Variants in NLRP12 observed in about 807,000 individuals in gnomAD.
NLRP12 encodes the protein NACHT, LRR and PYD domains-containing protein 12.
Under a neutral mutation model 91.2 loss-of-function variants are expected in NLRP12, and 108 were observed. The observed-to-expected ratio is 1.18, with a 90% confidence interval of 1.01 to 1.39. The LOEUF (loss-of-function observed/expected upper bound fraction) is 1.39. Ranked by LOEUF, NLRP12 falls within the 40% of genes most tolerant of loss-of-function variation. NLRP12 has a pLI of 0.00. For missense variants in NLRP12, 1,530 were observed against 1,352.7 expected (o/e 1.13, Z -2.06); for synonymous variants, 613 against 566.7 (o/e 1.08, Z -1.16).
At chr19:53,795,557 T>G (rs10425529) in intron 9 of NLRP12, among the ~76,000 whole-genome samples, 79,222 of 147,420 alleles carry the variant, frequency 0.54, 21,643 homozygotes, top group South Asian at 0.62. Context: ...TGTGTTTTTA[T>G]TAGAGACGGG....
chr19:53,823,449 A>AAT (rs1555799952), intron 1 of NLRP12, among the ~76,000 whole-genome samples: 1 of 43,220 alleles, frequency 2.3e-5, no homozygotes. Flanking sequence ...ATATGTTTTA[A>AAT]ATATATATTT....
intron 1 of NLRP12, among the ~76,000 whole-genome samples, chr19:53,819,047 G>A (rs762353831): frequency 7.2e-5 from 11 of 152,148 alleles, no homozygotes; most frequent in Non-Finnish European, 1.2e-4. Flanking sequence ...CTAAACGGAT[G>A]CAGTCCGGGG....
rs777899039 is a variant in NLRP12 at position 53,823,872 on chromosome 19, C to T, written c.289+14G>A. On this transcript the variant is annotated intron_variant, in intron 1 of 9. Coordinates refer to ENST00000324134, the MANE Select transcript of NLRP12 (RefSeq NM_144687.4). ...GCTGGCATTCTAGCCTTGCCTGTCC[C>T]GCCACCTCCTTACCCCTCACCAGGT... 6.1e-5 allele frequency: 99 copies of T among 1,613,526 alleles called. 2 individuals carry two copies. In the South Asian group the frequency reaches 6.9e-4, roughly 11 times the overall value.
At chr19:53,804,393 G>GTTTTTT (rs923117109) in intron 5 of NLRP12, among the ~76,000 whole-genome samples, 2 of 114,806 alleles carry the variant, frequency 1.7e-5, no homozygotes, top group South Asian at 2.9e-4. Context: ...TTTTTTTTGG[G>GTTTTTT]TTTTTTTGTT....
At chr19:53,801,830 C>T (rs1372816436) in intron 6 of NLRP12, among the ~76,000 whole-genome samples, 6 of 152,094 alleles carry the variant, frequency 3.9e-5, no homozygotes, top group African/African-American at 7.2e-5. Flanking sequence ...TGGTGGCTCA[C>T]GCCTGTAATC....
intron 2 of NLRP12, among the ~76,000 whole-genome samples, chr19:53,811,491 G>T (rs1293240839): frequency 1.3e-5 from 2 of 151,628 alleles, no homozygotes; most frequent in African/African-American, 2.4e-5. Context: ...TCTAGCCTGG[G>T]CAACAGAGCC....
At chr19:53,805,030 G>A (rs997308230) in intron 5 of NLRP12, among the ~76,000 whole-genome samples, 4 of 151,898 alleles carry the variant, frequency 2.6e-5, no homozygotes, top group East Asian at 2.0e-4. Context: ...ACCCCGTCTC[G>A]GGAGAAAAAA....
chr19:53,810,719 A>G lies in NLRP12; in HGVS notation c.940T>C (p.Trp314Arg). ...AGCTCCGTGGGCCGTTTCTCCTCCCAGCAGAGGCACCAGGGTCCCTGAGGA... is the reference window on the plus strand; with the variant it reads ...AGCTCCGTGGGCCGTTTCTCCTCCCGGCAGAGGCACCAGGGTCCCTGAGGA... ...HDPQGPWCLCWEEKRPTELLL... is the reference protein window; with the variant it reads ...HDPQGPWCLCREEKRPTELLL... The change falls in exon 3 of 10, where the codon TGG (tryptophan) becomes CGG (arginine). Residue 314 changes from tryptophan (W) to arginine (R), a missense_variant. Trp to Arg is a moderately radical substitution (Grantham distance 101). Coordinates refer to ENST00000324134, the MANE Select transcript of NLRP12 (RefSeq NM_144687.4). The G allele has an allele frequency of 6.2e-7, 1 of 1,614,016 alleles. No homozygotes were observed.
At chr19:53,814,048 GA>G (rs1399885747) in intron 2 of NLRP12, among the ~76,000 whole-genome samples, 2 of 152,198 alleles carry the variant, frequency 1.3e-5, no homozygotes, top group Non-Finnish European at 2.9e-5. Context: ...AAAATAGCCA[GA>G]AACATTTGTG....
chr19:53,810,955 G>C lies in NLRP12; in HGVS notation c.704C>G (p.Ala235Gly), dbSNP rs141779249. 6.2e-7 allele frequency: 1 copy of C among 1,614,120 alleles called. No homozygotes were observed. The highest frequency in any genetic ancestry group is 8.5e-7 in the Non-Finnish European group (1 of 1,180,042). The change falls in exon 3 of 10, where the codon GCG (alanine) becomes GGG (glycine). Residue 235 changes from alanine (A) to glycine (G), a missense_variant. Ala to Gly is a moderately conservative substitution (Grantham distance 60). Transcript: ENST00000324134. Reference protein sequence around the residue: ...MLAHKVMLDWADGKLFQGRFD... With the variant: ...MLAHKVMLDWGDGKLFQGRFD... ...TCTGCCTTGGAAGAGCTTCCCGTCC[G>C]CCCAGTCCAGCATCACCTTGTGTGC...
At chr19:53,801,146 A>T (rs1414631956) in intron 7 of NLRP12, 81 bp downstream of exon 7, 2 of 1,335,464 alleles carry the variant, frequency 1.5e-6, no homozygotes, top group Admixed American at 3.4e-5. Context: ...GAGCAGAGAC[A>T]ACCTGGCCTC....
In NLRP12 at chr19:53,803,951, C is replaced by A; in HGVS notation, c.2585+1G>T. ...TATAGTTGACCCCAGGAAGAACTCA[C>A]CACAAAGTCCGTAGTCTGCAGACTG... On this transcript the variant is annotated splice_donor_variant, in intron 6 of 9. Transcript: ENST00000324134. LOFTEE classifies it high-confidence loss of function. 6.2e-7 allele frequency: 1 copy of A among 1,613,936 alleles called. No individual in the cohort carries two copies. Among genetic ancestry groups the A allele is most frequent in the Non-Finnish European group, 8.5e-7 (1 of 1,179,856 alleles).
intron 1 of NLRP12, among the ~76,000 whole-genome samples, chr19:53,819,081 G>A (rs1034443914): frequency 3.9e-5 from 6 of 152,088 alleles, no homozygotes; most frequent in African/African-American, 1.4e-4. Flanking sequence ...AAATGGTTAT[G>A]CATTGTCAAT....
In NLRP12 at chr19:53,793,793, G is replaced by T. The variant is rs1009340550; in HGVS notation, c.*256C>A. ...GTAGAGACAGGGTTTCACCATCTTG[G>T]CCAGGCTAATCTCAAACTCCTGACC... On this transcript the variant is annotated 3_prime_UTR_variant, in exon 10 of 10. Coordinates refer to ENST00000324134, the MANE Select transcript of NLRP12 (RefSeq NM_144687.4). 7.7e-5 allele frequency: 44 copies of T among 569,832 alleles called. No individual in the cohort carries two copies. Among genetic ancestry groups the T allele is most frequent in the African/African-American group, 7.0e-4 (37 of 53,216 alleles). The allele number at this position is 569,832 out of a possible 1,614,324, so 35.3% of individuals were successfully genotyped here.
intron 5 of NLRP12, among the ~76,000 whole-genome samples, chr19:53,804,525 TAGCTGGGACTACA>T (rs1183688769): frequency 6.7e-6 from 1 of 148,256 alleles, no homozygotes; most frequent in Non-Finnish European, 1.5e-5. Context: ...CAGTCTCGAG[TAGCTGGGACTACA>T]GGCTGGGCTA....
chr19:53,798,815 C>T (rs1353333625), intron 7 of NLRP12, among the ~76,000 whole-genome samples: 9 of 152,096 alleles, frequency 5.9e-5, no homozygotes, highest in Non-Finnish European at 1.3e-4. Flanking sequence ...AATCTCGGCT[C>T]ACTGCAACCT....
chr19:53,823,104 T>TACACACACATATATACACACATATATAC (rs2092282986), intron 1 of NLRP12, among the ~76,000 whole-genome samples: 1 of 141,146 alleles, frequency 7.1e-6, no homozygotes, highest in African/African-American at 2.7e-5. Flanking sequence ...CACACACATA[T>TACACACACATATATACACACATATATAC]ACACACACAT....
At chr19:53,802,130 G>A (rs1270845824) in intron 6 of NLRP12, among the ~76,000 whole-genome samples, 1 of 152,044 alleles carries the variant, frequency 6.6e-6, no homozygotes, top group Non-Finnish European at 1.5e-5. Flanking sequence ...GGGAGGCTGA[G>A]GCAGGAGAAT....
chr19:53,808,105 C>T, intron 3 of NLRP12: 2 of 344,086 alleles, frequency 5.8e-6, no homozygotes, highest in South Asian at 2.3e-5. Context: ...GTTGTCTAGG[C>T]TGGAGTGCAT....
Sources: gnomAD v4.1 joint callset for allele counts (sites outside exome capture counted in the v4.1 genomes callset) on GRCh38, gnomAD v4.1.1 for gene constraint, MANE v1.5 for transcripts, NCBI Gene and HGNC (gene_info 2026-07-23, HGNC 2026-07-21) for gene names.